Variants in AKR1A1 observed in about 807,000 individuals in gnomAD.
AKR1A1 encodes aldo-keto reductase family 1 member A1, also known as HEL-S-165mP.
Under a neutral mutation model 39.2 loss-of-function variants are expected in AKR1A1, and 26 were observed. The observed-to-expected ratio is 0.66, with a 90% CI of 0.49 to 0.92. AKR1A1 has a LOEUF of 0.92. Among genes scored for constraint, AKR1A1 ranks in the 40% least tolerant of loss-of-function variants. The probability of loss-of-function intolerance (pLI) is 0.00; values close to 1 mark genes in which losing one functional copy is unlikely to be tolerated. For synonymous variants in AKR1A1, 141 were observed against 155.5 expected (o/e 0.91, Z 0.69); for missense variants, 378 against 406.5 (o/e 0.93, Z 0.60).
chr1:45,566,843 A>G (rs1469920587), intron 3 of AKR1A1, 26 bp from the exon 4 acceptor site: 1 of 1,610,094 alleles, frequency 6.2e-7, no homozygotes, highest in South Asian at 1.1e-5. Context: ...GGCTCTTCTC[A>G]CTGTGGGCCC....
intron 1 of AKR1A1, among the ~76,000 whole-genome samples, chr1:45,561,060 A>T (rs920494647): frequency 1.2e-4 from 19 of 152,232 alleles, no homozygotes; most frequent in African/African-American, 4.6e-4. Context: ...CCTCCTGGGA[A>T]CATTTATTTC....
At position 45,559,769 on chromosome 1, in the gene AKR1A1, A is replaced by C. The variant is rs685705; in HGVS notation, c.-6-2020A>C. 1.5e-3 allele frequency among the ~76,000 whole-genome samples: 184 copies of C among 126,172 alleles called. 9 individuals carry two copies. The highest frequency in any genetic ancestry group is 5.4e-3 in the African/African-American group (178 of 33,126). The allele number at this position is 126,172 out of a possible 152,430, so 82.8% of individuals were successfully genotyped here. Reference sequence around the variant, plus strand: ...AGCAATTCTCCTGCCTCAGCCTCCCAAGTAAGTAGCTGGGATTATAGGCAC... The same window carrying C: ...AGCAATTCTCCTGCCTCAGCCTCCCCAGTAAGTAGCTGGGATTATAGGCAC... On this transcript the variant is annotated intron_variant, in intron 1 of 8. Coordinates refer to ENST00000351829, the MANE Select transcript of AKR1A1 (RefSeq NM_153326.3).
In AKR1A1 at chr1:45,567,987, G is replaced by T; in HGVS notation, c.362G>T (p.Gly121Val). ...LMHWPYAFER[G>V]DNPFPKNADG... The stretch of plus-strand genomic sequence containing the variant: ...TGGGGCTGTCTCTCACTCAGGCGGG[G>T]AGACAACCCCTTCCCCAAGAATGCT... Residue 121 changes from glycine to valine, a missense_variant, in exon 5 of 9, where the codon GGA becomes GTA. By Grantham distance (109) the Gly-to-Val change is moderately radical. Coordinates refer to ENST00000351829, the MANE Select transcript of AKR1A1 (RefSeq NM_153326.3). 1 of 1,611,606 alleles carries T rather than the reference G, an allele frequency of 6.2e-7. No individual in the cohort carries two copies. The highest frequency in any genetic ancestry group is 1.1e-5 in the South Asian group (1 of 90,912).
At chr1:45,569,362 G>A (rs1557638545) in intron 8 of AKR1A1, 133 bp downstream of exon 8, 1 of 736,976 alleles carries the variant, frequency 1.4e-6, no homozygotes, top group Non-Finnish European at 2.4e-6. Flanking sequence ...GCTGGACATA[G>A]TGCCCTCATT....
Position 45,561,845 on chromosome 1 carries a change from T to G in AKR1A1, c.51T>G (p.Ile17Met), listed in dbSNP as rs555184431. 6.2e-7 allele frequency: 1 copy of G among 1,614,112 alleles called. No homozygotes were observed. The highest frequency in any genetic ancestry group is 1.3e-5 in the African/African-American group (1 of 75,030). Residue 17 changes from isoleucine to methionine, a missense_variant, in exon 2 of 9, where the codon ATT becomes ATG. Coordinates refer to ENST00000351829, the MANE Select transcript of AKR1A1 (RefSeq NM_153326.3). ...ACACTGGGCAGAAGATGCCTCTGAT[T>G]GGTCTGGGTACCTGGAAGAGTGAGC... ...LLHTGQKMPL[I>M]GLGTWKSEPG...
chr1:45,564,968 A>G (rs1238668674), intron 2 of AKR1A1, among the ~76,000 whole-genome samples: 5 of 150,626 alleles, frequency 3.3e-5, no homozygotes, highest in African/African-American at 1.2e-4. Flanking sequence ...GACTACAGGC[A>G]CCCCCTACCA....
At chr1:45,558,688 A>G (rs1298026420) in intron 1 of AKR1A1, among the ~76,000 whole-genome samples, 4 of 151,786 alleles carry the variant, frequency 2.6e-5, no homozygotes, top group Non-Finnish European at 5.9e-5. Context: ...GTAAGCCACC[A>G]AACCCGGCCT....
intron 2 of AKR1A1, among the ~76,000 whole-genome samples, chr1:45,565,947 T>C (rs1570911786): frequency 1.3e-5 from 2 of 152,066 alleles, no homozygotes; most frequent in Non-Finnish European, 1.5e-5. Flanking sequence ...CTCTTTATGG[T>C]AGATGCCGGG....
chr1:45,560,946 C>T (rs1312585227), intron 1 of AKR1A1, among the ~76,000 whole-genome samples: 1 of 152,146 alleles, frequency 6.6e-6, no homozygotes, highest in African/African-American at 2.4e-5. Flanking sequence ...CCAGGATGGT[C>T]TCGATCTCCT....
intron 1 of AKR1A1, among the ~76,000 whole-genome samples, chr1:45,554,785 G>A (rs1009928233): frequency 6.6e-6 from 1 of 152,138 alleles, no homozygotes; most frequent in Admixed American, 6.6e-5. Context: ...CTGCCCCCCA[G>A]GCTCAAGGGA....
chr1:45,563,959 T>G (rs888200519), intron 2 of AKR1A1, among the ~76,000 whole-genome samples: 1 of 152,166 alleles, frequency 6.6e-6, no homozygotes, highest in African/African-American at 2.4e-5. Context: ...AGCTATGAGA[T>G]TTGGCTCCTG....
chr1:45,569,778 T>G (rs1297054260), intron 8 of AKR1A1, 113 bp from the exon 9 acceptor site: 1 of 877,934 alleles, frequency 1.1e-6, no homozygotes, highest in Non-Finnish European at 1.8e-6. Context: ...CAATGCCATC[T>G]GGCATAGTGC....
intron 2 of AKR1A1, among the ~76,000 whole-genome samples, chr1:45,564,779 T>A (rs1262201767): frequency 6.6e-5 from 10 of 151,726 alleles, no homozygotes; most frequent in African/African-American, 1.7e-4. Flanking sequence ...AAAAAAAAAA[T>A]TATTTATTTT....
At chr1:45,560,951 T>C (rs949980616) in intron 1 of AKR1A1, among the ~76,000 whole-genome samples, 10 of 152,080 alleles carry the variant, frequency 6.6e-5, no homozygotes, top group African/African-American at 2.2e-4. Flanking sequence ...ATGGTCTCGA[T>C]CTCCTGACCT....
At chr1:45,560,334 T>C (rs1419486117) in intron 1 of AKR1A1, among the ~76,000 whole-genome samples, 1 of 152,190 alleles carries the variant, frequency 6.6e-6, no homozygotes, top group African/African-American at 2.4e-5. Context: ...ATTAAAGATC[T>C]GGATATGGTG....
chr1:45,561,007 G>A (rs1205109117), intron 1 of AKR1A1, among the ~76,000 whole-genome samples: 1 of 152,314 alleles, frequency 6.6e-6, no homozygotes, highest in Non-Finnish European at 1.5e-5. Flanking sequence ...GATTACAGGC[G>A]TGAGCCACCG....
intron 2 of AKR1A1, among the ~76,000 whole-genome samples, chr1:45,563,479 C>A (rs1016560674): frequency 3.3e-5 from 5 of 152,030 alleles, no homozygotes; most frequent in African/African-American, 1.2e-4. Flanking sequence ...ATTATACACT[C>A]ATGTGACCTT....
intron 1 of AKR1A1, among the ~76,000 whole-genome samples, chr1:45,556,575 C>T (rs551121898): frequency 7.3e-5 from 11 of 150,642 alleles, no homozygotes; most frequent in Non-Finnish European, 8.9e-5. Flanking sequence ...AGCAAGACTC[C>T]GTCTTAAAAG....
At chr1:45,562,513 CTT>C (rs11450284) in intron 2 of AKR1A1, among the ~76,000 whole-genome samples, 7 of 136,688 alleles carry the variant, frequency 5.1e-5, no homozygotes, top group Admixed American at 7.3e-5. Context: ...GCCCAGCAAA[CTT>C]TTTTTTTTTT....
Sources: allele counts gnomAD v4.1 joint callset (sites outside exome capture counted in the v4.1 genomes callset), GRCh38; gene constraint gnomAD v4.1.1; transcripts MANE v1.5; gene names NCBI Gene and HGNC (gene_info 2026-07-23, HGNC 2026-07-21).